NRXN1: variants seen among roughly 807,000 people sequenced by gnomAD.
The protein encoded by NRXN1 is neurexin 1.
A neutral mutation model predicts 150.9 loss-of-function variants in NRXN1; 39 were observed. The observed-to-expected ratio is 0.26, with a 90% confidence interval of 0.20 to 0.34. The LOEUF is 0.34. Ranked by LOEUF, NRXN1 falls within the 10% of genes least tolerant of loss-of-function variation. The pLI, the probability that NRXN1 is intolerant of heterozygous loss-of-function variation, is 1.00. For synonymous variants in NRXN1, 924 were observed against 757.0 expected (o/e 1.22, Z -3.62); for missense variants, 1,815 against 1,949.9 (o/e 0.93, Z 1.30).
At chr2:50,486,353 CG>C (rs1558814058) in intron 15 of NRXN1, among the ~76,000 whole-genome samples, 1 of 152,094 alleles carries the variant, frequency 6.6e-6, no homozygotes, top group Non-Finnish European at 1.5e-5. Context: ...GTTTTTCTCA[CG>C]AAAACACTCA....
At chr2:50,593,297 T>C (rs1674596528) in intron 8 of NRXN1, among the ~76,000 whole-genome samples, 1 of 152,232 alleles carries the variant, frequency 6.6e-6, no homozygotes, top group African/African-American at 2.4e-5. Context: ...ACCTCAGTAC[T>C]TCTGCATTGA....
In NRXN1 at chr2:50,544,819, A is replaced by G. The variant is rs145423915; in HGVS notation, c.1760-6183T>C. Among the ~76,000 whole-genome samples, 446 of 152,312 alleles carry G rather than the reference A, an allele frequency of 2.9e-3. 2 individuals carry two copies. Among genetic ancestry groups the G allele is most frequent in the African/African-American group, 1.0e-2 (414 of 41,584 alleles). On this transcript the variant is annotated intron_variant, in intron 9 of 22. Coordinates refer to ENST00000401669, the MANE Select transcript of NRXN1 (RefSeq NM_001330078.2). The stretch of plus-strand genomic sequence containing the variant: ...AGGAATTATCTATAAACTAGTTTAA[A>G]ACAGTGAAGGTTTAAAAAAGTAAAA...
chr2:50,335,526 AC>A (rs2077124972), intron 17 of NRXN1, among the ~76,000 whole-genome samples: 1 of 151,334 alleles, frequency 6.6e-6, no homozygotes, highest in African/African-American at 2.4e-5. Flanking sequence ...TCTCCCCACC[AC>A]CCCCTGCCGT....
At chr2:50,034,981 A>G (rs1015408084) in intron 21 of NRXN1, among the ~76,000 whole-genome samples, 124 of 152,178 alleles carry the variant, frequency 8.1e-4, no homozygotes, top group African/African-American at 2.8e-3. Context: ...GCTTGGTTCT[A>G]TGTGTCATAA....
intron 17 of NRXN1, among the ~76,000 whole-genome samples, chr2:50,409,380 G>T (rs995613406): frequency 1.3e-5 from 2 of 152,294 alleles, no homozygotes; most frequent in African/African-American, 4.8e-5. Flanking sequence ...CCATCTTTTT[G>T]TTTGGCTTCT....
intron 21 of NRXN1, among the ~76,000 whole-genome samples, chr2:50,004,405 C>G (rs10173664): frequency 0.36 from 55,295 of 151,810 alleles, 10,541 homozygotes; most frequent in Admixed American, 0.48. Flanking sequence ...TTAGTATTCT[C>G]TGGTGTCAAT....
intron 17 of NRXN1, among the ~76,000 whole-genome samples, chr2:50,249,243 C>T (rs2066810506): frequency 6.6e-6 from 1 of 150,914 alleles, no homozygotes; most frequent in Non-Finnish European, 1.5e-5. Flanking sequence ...AGAGGAAGGA[C>T]TCATATCTCT....
At chr2:50,093,457 TA>T (rs773973296) in intron 18 of NRXN1, among the ~76,000 whole-genome samples, 1 of 51,222 alleles carries the variant, frequency 2.0e-5, no homozygotes, top group South Asian at 5.4e-4. Context: ...TCTTTACTAT[TA>T]AAAAAAAAGA....
chr2:50,749,042 T>C (rs1412541646), intron 5 of NRXN1, among the ~76,000 whole-genome samples: 2 of 152,162 alleles, frequency 1.3e-5, no homozygotes, highest in African/African-American at 4.8e-5. Context: ...AAGAATATCA[T>C]GTTTTTCAAA....
intron 19 of NRXN1, among the ~76,000 whole-genome samples, chr2:50,067,373 A>T (rs988877155): frequency 1.3e-5 from 2 of 152,240 alleles, no homozygotes; most frequent in African/African-American, 4.8e-5. Flanking sequence ...TTGTTTCATC[A>T]GATTAATTTG....
intron 21 of NRXN1, among the ~76,000 whole-genome samples, chr2:49,945,795 C>T (rs574298276): frequency 6.6e-6 from 1 of 152,100 alleles, no homozygotes; most frequent in African/African-American, 2.4e-5. Context: ...CATTGATGAG[C>T]ATTTGGGTTG....
In NRXN1 at chr2:50,747,056, C is replaced by A. The variant is rs74446796; in HGVS notation, c.833-123441G>T. On this transcript the variant is annotated intron_variant, in intron 5 of 22. Coordinates refer to ENST00000401669, the MANE Select transcript of NRXN1 (RefSeq NM_001330078.2). ...TGCAAAAATGAACCCAGTTCATGTG[C>A]TTTTCTTGTACTCTCTGTGTTTTAG... Among the ~76,000 whole-genome samples, 650 of 152,134 alleles carry A rather than the reference C, an allele frequency of 4.3e-3. 2 individuals carry two copies. Among genetic ancestry groups the A allele is most frequent in the Non-Finnish European group, 6.8e-3 (462 of 68,012 alleles).
At chr2:50,660,521 G>T (rs1300331597) in intron 5 of NRXN1, among the ~76,000 whole-genome samples, 1 of 152,022 alleles carries the variant, frequency 6.6e-6, no homozygotes, top group African/African-American at 2.4e-5. Context: ...CCATTAATCT[G>T]TTTTGGTTTT....
chr2:50,508,746 A>G (rs965009399), intron 12 of NRXN1, among the ~76,000 whole-genome samples: 2 of 152,196 alleles, frequency 1.3e-5, no homozygotes, highest in Non-Finnish European at 2.9e-5. Context: ...AACTATTTCC[A>G]TAACAACAGG....
intron 17 of NRXN1, among the ~76,000 whole-genome samples, chr2:50,363,579 A>G (rs566773162): frequency 2.6e-5 from 4 of 152,352 alleles, no homozygotes; most frequent in South Asian, 4.1e-4. Context: ...ATCATTAAAA[A>G]GTCAGGAAAC....
chr2:50,876,260 G>A (rs1186776296), intron 5 of NRXN1, among the ~76,000 whole-genome samples: 2 of 151,602 alleles, frequency 1.3e-5, no homozygotes, highest in African/African-American at 2.4e-5. Flanking sequence ...AATATGGCAA[G>A]GGATTCTTTT....
At chr2:49,977,258 G>A (rs903787753) in intron 21 of NRXN1, among the ~76,000 whole-genome samples, 2 of 152,002 alleles carry the variant, frequency 1.3e-5, no homozygotes, top group Admixed American at 6.6e-5. Flanking sequence ...CAGTGGTTTC[G>A]GATGGTGATT....
At chr2:50,304,442 C>T (rs189554751) in intron 17 of NRXN1, among the ~76,000 whole-genome samples, 2 of 152,200 alleles carry the variant, frequency 1.3e-5, no homozygotes, top group East Asian at 3.9e-4. Context: ...GTGGTAGCAA[C>T]GAACTATAGG....
rs1309184960 is a variant in NRXN1, at chr2:50,346,722, G to A, written c.3365-109752C>T. 1 of 1,613,888 alleles carries A rather than the reference G, an allele frequency of 6.2e-7. No homozygotes were observed. Among genetic ancestry groups the A allele is most frequent in the Admixed American group, 1.7e-5 (1 of 60,022 alleles). ...CGCCTCGCAAGGATGCCGGTGACCT[G>A]TAGATTGCAATAGGCACTGAATGAT... is the stretch of plus-strand genomic sequence containing the variant. On this transcript the variant is annotated intron_variant, in intron 17 of 22. Coordinates refer to ENST00000401669, the MANE Select transcript of NRXN1 (RefSeq NM_001330078.2). The surrounding 1 kb of genome is among the most constrained non-coding windows in gnomAD (Gnocchi z 5.0).
Sources: gnomAD v4.1 joint callset for allele counts (sites outside exome capture counted in the v4.1 genomes callset) on GRCh38, gnomAD v4.1.1 for gene constraint, Gnocchi (gnomAD v3.1) non-coding constraint, MANE v1.5 for transcripts, NCBI Gene and HGNC (gene_info 2026-07-23, HGNC 2026-07-21) for gene names.